SPTLC1: variants seen among roughly 807,000 people sequenced by gnomAD.
The protein encoded by SPTLC1 is serine palmitoyltransferase 1.
A neutral mutation model predicts 68.9 loss-of-function variants in SPTLC1; 55 were observed. The observed-to-expected ratio is 0.80, with a 90% confidence interval of 0.64 to 1.00. SPTLC1 has a LOEUF of 1.00. Ranked by LOEUF, SPTLC1 falls within the 50% of genes least tolerant of loss-of-function variation. SPTLC1 has a pLI of 0.00. For synonymous variants in SPTLC1, 197 were observed against 201.6 expected (o/e 0.98, Z 0.19); for missense variants, 449 against 573.1 (o/e 0.78, Z 2.21).
At chr9:92,104,142 T>G (rs1183361767) in intron 3 of SPTLC1, among the ~76,000 whole-genome samples, 1 of 152,198 alleles carries the variant, frequency 6.6e-6, no homozygotes, top group Admixed American at 6.5e-5. Context: ...AGTGGGTGAC[T>G]TCGGAGTATC....
intron 3 of SPTLC1, among the ~76,000 whole-genome samples, chr9:92,107,581 T>C (rs1355533323): frequency 6.6e-6 from 1 of 152,134 alleles, no homozygotes; most frequent in Non-Finnish European, 1.5e-5. Flanking sequence ...TGAAACTCCA[T>C]CTCTACTAAA....
intron 5 of SPTLC1, among the ~76,000 whole-genome samples, chr9:92,068,951 C>G (rs184570444): frequency 1.3e-5 from 2 of 152,262 alleles, no homozygotes; most frequent in African/African-American, 4.8e-5. Flanking sequence ...TCCCTTAGCT[C>G]TTTTAACTAT....
chr9:92,037,739 A>G (rs1212125781), intron 13 of SPTLC1, among the ~76,000 whole-genome samples: 1 of 152,186 alleles, frequency 6.6e-6, no homozygotes, highest in East Asian at 1.9e-4. Flanking sequence ...ATCTCCCCAA[A>G]TTAGGTATGT....
intron 14 of SPTLC1, among the ~76,000 whole-genome samples, chr9:92,033,272 T>C (rs759430512): frequency 8.5e-5 from 13 of 152,202 alleles, no homozygotes; most frequent in Non-Finnish European, 1.5e-4. Flanking sequence ...TCAACGACAG[T>C]TTGATTGTTC....
intron 1 of SPTLC1, among the ~76,000 whole-genome samples, chr9:92,113,463 C>T (rs537459866): frequency 1.3e-5 from 2 of 152,244 alleles, no homozygotes; most frequent in Admixed American, 6.5e-5. Flanking sequence ...AACACCACTT[C>T]TTTTCCTTCC....
intron 5 of SPTLC1, chr9:92,079,537 C>T (rs1014172505): frequency 6.2e-7 from 1 of 1,613,860 alleles, no homozygotes; most frequent in Non-Finnish European, 8.5e-7. Context: ...TATCCATACA[C>T]AAGGAAATCA....
chr9:92,113,056 G>A (rs1224688784), intron 1 of SPTLC1, among the ~76,000 whole-genome samples: 1 of 151,718 alleles, frequency 6.6e-6, no homozygotes, highest in South Asian at 2.1e-4. Flanking sequence ...GTGGTGAGCC[G>A]AGATCACACC....
At chr9:92,041,276 G>T (rs928637298) in intron 12 of SPTLC1, among the ~76,000 whole-genome samples, 1 of 152,128 alleles carries the variant, frequency 6.6e-6, no homozygotes, top group Non-Finnish European at 1.5e-5. Flanking sequence ...AAACATTGAA[G>T]ATACTGCCTT....
chr9:92,067,445 T>C (rs984265777), intron 6 of SPTLC1, among the ~76,000 whole-genome samples: 2 of 152,230 alleles, frequency 1.3e-5, no homozygotes, highest in African/African-American at 4.8e-5. Flanking sequence ...TGCCAGCCCT[T>C]GCTTGGCTGT....
intron 3 of SPTLC1, among the ~76,000 whole-genome samples, chr9:92,100,226 C>G (rs1835698874): frequency 6.6e-6 from 1 of 152,146 alleles, no homozygotes; most frequent in Non-Finnish European, 1.5e-5. Flanking sequence ...ACCAGCCTGA[C>G]CAACATGGTG....
intron 7 of SPTLC1, among the ~76,000 whole-genome samples, chr9:92,057,904 T>A (rs958468958): frequency 6.6e-6 from 1 of 152,040 alleles, no homozygotes; most frequent in African/African-American, 2.4e-5. Context: ...GTTGCTCATT[T>A]AAAAAAAAGT....
At chr9:92,041,387 C>T (rs1833345796) in intron 12 of SPTLC1, among the ~76,000 whole-genome samples, 2 of 152,222 alleles carry the variant, frequency 1.3e-5, no homozygotes, top group South Asian at 2.1e-4. Context: ...TGCAATGAGA[C>T]AGTGCATAAA....
At chr9:92,115,056 C>T (rs971168189) in intron 1 of SPTLC1, 17 of 568,702 alleles carry the variant, frequency 3.0e-5, no homozygotes, top group Middle Eastern at 4.7e-4. Flanking sequence ...TACACGTGTT[C>T]CTTTCCGGAG....
chr9:92,061,873 T>C (rs908448807), intron 6 of SPTLC1, among the ~76,000 whole-genome samples: 10 of 152,054 alleles, frequency 6.6e-5, no homozygotes, highest in African/African-American at 1.9e-4. Flanking sequence ...TAAAAACATG[T>C]TCAATTAGCC....
chr9:92,104,974 T>G lies in SPTLC1; in HGVS notation c.260+3766A>C. The G allele has an allele frequency of 2.6e-6, 4 of 1,532,938 alleles. No individual in the cohort carries two copies. The South Asian group carries it at 4.8e-5, about 18-fold the overall frequency. The allele number at this position is 1,532,938 out of a possible 1,614,324, so 95.0% of individuals were successfully genotyped here. A position where few individuals can be genotyped will look rare whatever the true frequency, so the allele number is the denominator to read the frequency against. On this transcript the variant is annotated intron_variant, in intron 3 of 14. Coordinates refer to ENST00000262554, the MANE Select transcript of SPTLC1 (RefSeq NM_006415.4). ...TTCCCTTTGGGAAGCCTGACCCACT[T>G]CCAACAGTGCTCCCTGCCCCAGTTC...
chr9:92,031,992 T>A lies in SPTLC1; in HGVS notation c.*473A>T, dbSNP rs1832979156. On this transcript the variant is annotated 3_prime_UTR_variant, in exon 15 of 15. Transcript: ENST00000262554. ...CTGGAAAATACGTGGTTTATTTAGA[T>A]CTTCAATATAAATTTGTACCACATA... is the stretch of plus-strand genomic sequence containing the variant. 6.1e-6 allele frequency: 2 copies of A among 328,338 alleles called. No individual in the cohort carries two copies. The highest frequency in any genetic ancestry group is 8.8e-5 in the South Asian group (1 of 11,328). 20.3% of individuals were successfully genotyped at this position (328,338 alleles called of 1,614,324 possible).
At chr9:92,059,393 C>A in intron 6 of SPTLC1, 85 bp from the exon 7 acceptor site, 3 of 1,367,956 alleles carry the variant, frequency 2.2e-6, no homozygotes, top group South Asian at 1.2e-5. Flanking sequence ...TGTAAGCTGA[C>A]CAATCACTGA....
At chr9:92,102,254 A>T (rs1835781636) in intron 3 of SPTLC1, among the ~76,000 whole-genome samples, 1 of 152,242 alleles carries the variant, frequency 6.6e-6, no homozygotes, top group Non-Finnish European at 1.5e-5. Flanking sequence ...TCATCACCAT[A>T]AGACCAGCCT....
chr9:92,052,345 C>T (rs529859344), intron 8 of SPTLC1, among the ~76,000 whole-genome samples: 1 of 152,068 alleles, frequency 6.6e-6, no homozygotes, highest in Non-Finnish European at 1.5e-5. Flanking sequence ...AAACATTAAA[C>T]AAATGATGCA....
Sources: allele counts gnomAD v4.1 joint callset (sites outside exome capture counted in the v4.1 genomes callset), GRCh38; gene constraint gnomAD v4.1.1; transcripts MANE v1.5; gene names NCBI Gene and HGNC (gene_info 2026-07-23, HGNC 2026-07-21).